ZSCAN21: variants seen among roughly 807,000 people sequenced by gnomAD.
ZSCAN21 encodes the protein zinc finger and SCAN domain containing 21, also known as zinc finger and SCAN domain-containing protein 21.
A neutral mutation model predicts 35.6 loss-of-function variants in ZSCAN21; 26 were observed. That is an observed-to-expected ratio of 0.73 (90% CI 0.54 to 1.01). The LOEUF (loss-of-function observed/expected upper bound fraction) is 1.01, where lower values mean the gene tolerates loss of function less well. Among genes scored for constraint, ZSCAN21 ranks in the 50% least tolerant of loss-of-function variants. ZSCAN21 has a pLI of 0.00. For missense variants in ZSCAN21, 593 were observed against 587.1 expected (o/e 1.01, Z -0.10); for synonymous variants, 219 against 219.3 (o/e 1.00, Z 0.01).
In ZSCAN21 at chr7:100,064,510, A is replaced by G. The variant is rs1261542751; in HGVS notation, c.1315A>G (p.Thr439Ala). Reference protein sequence around the residue: ...SNFNKHHRIHTGEKPYWCHHC... With the variant: ...SNFNKHHRIHAGEKPYWCHHC... ...CTTCAATAAACACCACAGAATCCAC[A>G]CCGGGGAAAAGCCCTACTGGTGTCA... The change falls in exon 4 of 4, where the codon ACC becomes GCC. Residue 439 changes from threonine (T) to alanine (A), a missense_variant. Coordinates refer to ENST00000292450, the MANE Select transcript of ZSCAN21 (RefSeq NM_145914.3). The G allele has an allele frequency of 1.2e-6, 2 of 1,614,014 alleles. No individual in the cohort carries two copies. The highest frequency in any genetic ancestry group is 2.7e-5 in the African/African-American group (2 of 74,898).
Position 100,055,009 on chromosome 7 carries a change from G to A in ZSCAN21, c.-96-1902G>A, listed in dbSNP as rs1308722489. ...CTTGATCTGTCACCCAGGCTGGAGTGCAGTGGTGCAATCTTGGCTCACTGC... is the reference window on the plus strand; with the variant it reads ...CTTGATCTGTCACCCAGGCTGGAGTACAGTGGTGCAATCTTGGCTCACTGC... On this transcript the variant is annotated intron_variant, in intron 1 of 3. Coordinates refer to ENST00000292450, the MANE Select transcript of ZSCAN21 (RefSeq NM_145914.3). 2.7e-5 allele frequency among the ~76,000 whole-genome samples: 4 copies of A among 146,638 alleles called. No individual in the cohort carries two copies. The South Asian group carries it at 6.4e-4, about 24-fold the overall frequency.
Position 100,064,544 on chromosome 7 carries a change from G to C in ZSCAN21, c.1349G>C (p.Gly450Ala). ...AAGCCCTACTGGTGTCATCACTGTG[G>C]AAAGACCTTCTGTAGCAAGTCCAAT... ...GEKPYWCHHCGKTFCSKSNLS... is the reference protein window; with the variant it reads ...GEKPYWCHHCAKTFCSKSNLS... Residue 450 changes from glycine (G) to alanine (A), a missense_variant, in exon 4 of 4, where the codon GGA (glycine) becomes GCA (alanine). Transcript: ENST00000292450. The C allele has an allele frequency of 6.2e-7, 1 of 1,614,186 alleles. No individual in the cohort carries two copies. Among genetic ancestry groups the C allele is most frequent in the Non-Finnish European group, 8.5e-7 (1 of 1,180,036 alleles).
intron 3 of ZSCAN21, among the ~76,000 whole-genome samples, chr7:100,061,661 T>C (rs1184125935): frequency 2.0e-5 from 3 of 152,244 alleles, no homozygotes; most frequent in South Asian, 4.1e-4. Context: ...GCTGAAGCTC[T>C]GACCCCCAGC....
intron 1 of ZSCAN21, among the ~76,000 whole-genome samples, chr7:100,054,116 T>C (rs549807465): frequency 6.6e-6 from 1 of 152,170 alleles, no homozygotes; most frequent in South Asian, 2.1e-4. Context: ...TGAGATGACG[T>C]TGCATCTCCC....
chr7:100,061,877 TC>T (rs948798697), intron 3 of ZSCAN21, among the ~76,000 whole-genome samples: 1 of 152,222 alleles, frequency 6.6e-6, no homozygotes, highest in Non-Finnish European at 1.5e-5. Flanking sequence ...AGAGCGAATT[TC>T]TCTTACTCCC....
chr7:100,063,413 C>T (rs1021640917), intron 3 of ZSCAN21, among the ~76,000 whole-genome samples: 11 of 151,972 alleles, frequency 7.2e-5, no homozygotes, highest in African/African-American at 2.7e-4. Context: ...TCCTGGCCAG[C>T]ATGTTGAAAC....
intron 3 of ZSCAN21, among the ~76,000 whole-genome samples, chr7:100,060,951 G>C (rs989070334): frequency 6.6e-6 from 1 of 151,574 alleles, no homozygotes; most frequent in Non-Finnish European, 1.5e-5. Flanking sequence ...CCAGCTACTT[G>C]GGAGGCTGAG....
At chr7:100,051,788 G>C (rs979180897) in intron 1 of ZSCAN21, among the ~76,000 whole-genome samples, 2 of 152,080 alleles carry the variant, frequency 1.3e-5, no homozygotes, top group Non-Finnish European at 2.9e-5. Context: ...AATGGACACA[G>C]AACAAGGGCC....
Position 100,057,127 on chromosome 7 carries a change from C to G in ZSCAN21, c.121C>G (p.Leu41Val). 3 of 1,614,150 alleles carry G rather than the reference C, an allele frequency of 1.9e-6. No homozygotes were observed. The highest frequency in any genetic ancestry group is 2.5e-6 in the Non-Finnish European group (3 of 1,180,040). Reference protein sequence around the residue: ...KEEKGKYLPSLEMFRQRFRQF... With the variant: ...KEEKGKYLPSVEMFRQRFRQF... ...AGAGAAAGGCAAGTACCTTCCTAGCCTGGAGATGTTCCGCCAGCGCTTCAG... is the reference window on the plus strand; with the variant it reads ...AGAGAAAGGCAAGTACCTTCCTAGCGTGGAGATGTTCCGCCAGCGCTTCAG... The change falls in exon 2 of 4, where the codon CTG becomes GTG. Residue 41 changes from leucine (L) to valine (V), a missense_variant. Transcript: ENST00000292450.
Position 100,063,791 on chromosome 7 carries a change from G to T in ZSCAN21, c.596G>T (p.Cys199Phe). 6.2e-7 allele frequency: 1 copy of T among 1,600,518 alleles called. No individual in the cohort carries two copies. The highest frequency in any genetic ancestry group is 8.5e-7 in the Non-Finnish European group (1 of 1,175,086). The change falls in exon 4 of 4, where the codon TGC becomes TTC. Residue 199 changes from cysteine to phenylalanine, a missense_variant. Cys to Phe is a radical substitution (Grantham distance 205, BLOSUM62 -2). Coordinates refer to ENST00000292450, the MANE Select transcript of ZSCAN21 (RefSeq NM_145914.3). ...CTTAATCTGCTTATTGTTTCAGATTGCAGATTGAGTACCCAGCACGAGGAA... is the reference window on the plus strand; with the variant it reads ...CTTAATCTGCTTATTGTTTCAGATTTCAGATTGAGTACCCAGCACGAGGAA... Reference protein sequence around the residue: ...FAQDPRKVRDCRLSTQHEESA... With the variant: ...FAQDPRKVRDFRLSTQHEESA...
intron 1 of ZSCAN21, among the ~76,000 whole-genome samples, chr7:100,056,525 C>T (rs999087196): frequency 7.3e-5 from 11 of 151,584 alleles, no homozygotes; most frequent in Non-Finnish European, 1.5e-4. Context: ...AATGCAGTGG[C>T]GCAGGCTTGG....
At position 100,057,306 on chromosome 7, in the gene ZSCAN21, G is replaced by A. The variant is rs772248917; in HGVS notation, c.300G>A (p.Glu100=). Residue 100 remains glutamate, a synonymous_variant, in exon 2 of 4, where the codon GAG becomes GAA. Transcript: ENST00000292450. ...AGTTCCTGACCATCCTGCCCCAGGA[G>A]CTCCAGGCCTGGGTGCAGGAGCATT... ...LEQFLTILPQ[E]LQAWVQEHCP... 5.0e-5 allele frequency: 81 copies of A among 1,613,156 alleles called. No homozygotes were observed. Among genetic ancestry groups the A allele is most frequent in the Non-Finnish European group, 3.2e-5 (38 of 1,179,708 alleles).
Position 100,057,336 on chromosome 7 carries a change from G to A in ZSCAN21, c.330G>A (p.Pro110=), listed in dbSNP as rs753434507. The A allele has an allele frequency of 1.9e-5, 30 of 1,605,222 alleles. 1 individual carries two copies. The highest frequency in any genetic ancestry group is 6.7e-5 in the South Asian group (6 of 89,892). Residue 110 remains proline (P), a synonymous_variant, in exon 2 of 4, where the codon CCG becomes CCA. Coordinates refer to ENST00000292450, the MANE Select transcript of ZSCAN21 (RefSeq NM_145914.3). ...ELQAWVQEHC[P]ESAEEAVTLL... is the part of the protein sequence containing the mutation. ...AGGCCTGGGTGCAGGAGCATTGCCC[G>A]GAGAGCGCTGAAGAGGCTGTCACTC...
chr7:100,064,743 C>T lies in ZSCAN21; in HGVS notation c.*126C>T, dbSNP rs377579968. ...TTGTATCACTCAACATCAGGGGATG[C>T]CTGAGGAGTGCGAGCTCCACAGCAA... On this transcript the variant is annotated 3_prime_UTR_variant, in exon 4 of 4. Transcript: ENST00000292450. 1 of 1,613,854 alleles carries T rather than the reference C, an allele frequency of 6.2e-7. No homozygotes were observed. Among genetic ancestry groups the T allele is most frequent in the Non-Finnish European group, 8.5e-7 (1 of 1,179,870 alleles).
Position 100,064,948 on chromosome 7 carries a change from T to G in ZSCAN21, c.*331T>G. On this transcript the variant is annotated 3_prime_UTR_variant, in exon 4 of 4. Transcript: ENST00000292450. ...AAGAAACATTAAGATTGTTTAATTT[T>G]TAACATATATTCAAGAATTTTAATT... is the stretch of plus-strand genomic sequence containing the variant. 1 of 1,607,420 alleles carries G rather than the reference T, an allele frequency of 6.2e-7. No individual in the cohort carries two copies. The highest frequency in any genetic ancestry group is 8.5e-7 in the Non-Finnish European group (1 of 1,176,066).
rs768783778 is a variant in ZSCAN21 at position 100,057,323 on chromosome 7, A to G, written c.317A>G (p.Gln106Arg). ...ILPQELQAWV[Q>R]EHCPESAEEA... Reference sequence around the variant, plus strand: ...CCCCAGGAGCTCCAGGCCTGGGTGCAGGAGCATTGCCCGGAGAGCGCTGAA... The same window carrying G: ...CCCCAGGAGCTCCAGGCCTGGGTGCGGGAGCATTGCCCGGAGAGCGCTGAA... The change falls in exon 2 of 4, where the codon CAG becomes CGG. Residue 106 changes from glutamine (Q) to arginine (R), a missense_variant. Transcript: ENST00000292450. 1 of 1,610,798 alleles carries G rather than the reference A, an allele frequency of 6.2e-7. No individual in the cohort carries two copies.
At chr7:100,052,002 C>A (rs889775224) in intron 1 of ZSCAN21, among the ~76,000 whole-genome samples, 2 of 152,122 alleles carry the variant, frequency 1.3e-5, no homozygotes. Flanking sequence ...ACAGCCACAA[C>A]TCTGCAGCCC....
chr7:100,051,218 C>CAATTAGTG (rs1447560220), intron 1 of ZSCAN21, among the ~76,000 whole-genome samples: 2 of 81,180 alleles, frequency 2.5e-5, no homozygotes, highest in African/African-American at 8.8e-5. Flanking sequence ...GAACTTGTAA[C>CAATTAGTG]AATTAGTGGA....
chr7:100,055,247 C>T lies in ZSCAN21; in HGVS notation c.-96-1664C>T, dbSNP rs148055159. Among the ~76,000 whole-genome samples the T allele has an allele frequency of 1.0e-3, 157 of 151,156 alleles. 1 individual carries two copies. Among genetic ancestry groups the T allele is most frequent in the African/African-American group, 3.5e-3 (145 of 41,150 alleles). On this transcript the variant is annotated intron_variant, in intron 1 of 3. Transcript: ENST00000292450. ...CTGGGATTACAGATGTGAGCCACTG[C>T]ACCTGGCACTTCAGTTTGTTTTGTT...
Sources: allele counts gnomAD v4.1 joint callset (sites outside exome capture counted in the v4.1 genomes callset), GRCh38; gene constraint gnomAD v4.1.1; transcripts MANE v1.5; gene names NCBI Gene and HGNC (gene_info 2026-07-23, HGNC 2026-07-21).